Variants in TEAD1 observed in about 807,000 individuals in gnomAD.
TEAD1 encodes the protein transcriptional enhancer factor TEF-1.
In TEAD1, 9 loss-of-function variants were observed where a neutral mutation model predicts 54.9. The observed-to-expected ratio is 0.16, with a 90% CI of 0.10 to 0.29. TEAD1 has a LOEUF of 0.29. Ranked by LOEUF, TEAD1 falls within the 10% of genes least tolerant of loss-of-function variation. The pLI is 1.00. For synonymous variants in TEAD1, 200 were observed against 187.8 expected, an observed-to-expected ratio of 1.07 and a Z score of -0.53; for missense variants, 387 against 535.9, an observed-to-expected ratio of 0.72 and a Z score of 2.74.
chr11:12,865,018 G>A, intron 5 of TEAD1, 118 bp downstream of exon 5: 1 of 1,130,492 alleles, frequency 8.8e-7, no homozygotes, highest in Non-Finnish European at 1.3e-6. Context: ...TTGCATGTGA[G>A]AGCTGTTTAC....
intron 3 of TEAD1, among the ~76,000 whole-genome samples, chr11:12,852,365 G>A (rs1002195546): frequency 1.3e-5 from 2 of 152,118 alleles, no homozygotes; most frequent in African/African-American, 2.4e-5. Context: ...CATGGTGGGC[G>A]CCTGAGAGCC....
At chr11:12,811,182 G>A (rs1946292995) in intron 3 of TEAD1, among the ~76,000 whole-genome samples, 1 of 152,214 alleles carries the variant, frequency 6.6e-6, no homozygotes, top group African/African-American at 2.4e-5. Context: ...TCTTTCTGGG[G>A]CTGCTGGGAA....
At chr11:12,912,693 C>T (rs772839464) in intron 10 of TEAD1, among the ~76,000 whole-genome samples, 12 of 152,180 alleles carry the variant, frequency 7.9e-5, no homozygotes, top group Non-Finnish European at 1.8e-4. Flanking sequence ...AAAATGAGCA[C>T]AAGAGCTTAC....
At chr11:12,742,694 A>G (rs1228585400) in intron 2 of TEAD1, among the ~76,000 whole-genome samples, 2 of 152,232 alleles carry the variant, frequency 1.3e-5, no homozygotes, top group Admixed American at 6.5e-5. Flanking sequence ...CCCCATGAAC[A>G]TATACAACTA....
At chr11:12,766,741 C>T (rs1271332087) in intron 3 of TEAD1, among the ~76,000 whole-genome samples, 4 of 152,110 alleles carry the variant, frequency 2.6e-5, no homozygotes, top group Admixed American at 2.0e-4. Flanking sequence ...ATTTAGTGAC[C>T]GTGTTGGTGG....
At chr11:12,819,594 G>T (rs868590966) in intron 3 of TEAD1, among the ~76,000 whole-genome samples, 1 of 151,900 alleles carries the variant, frequency 6.6e-6, no homozygotes, top group Non-Finnish European at 1.5e-5. Flanking sequence ...GACTACAGGC[G>T]CCCGCCACCA....
intron 3 of TEAD1, among the ~76,000 whole-genome samples, chr11:12,795,612 G>A (rs541837255): frequency 4.9e-4 from 75 of 152,288 alleles, no homozygotes; most frequent in Admixed American, 2.4e-3. Context: ...AAGAAAGACT[G>A]GGGCCCAGGC....
At chr11:12,816,349 G>A (rs755911893) in intron 3 of TEAD1, among the ~76,000 whole-genome samples, 3 of 152,290 alleles carry the variant, frequency 2.0e-5, no homozygotes, top group Non-Finnish European at 4.4e-5. Flanking sequence ...TCTTGTATAC[G>A]CTCTTGTTGT....
At chr11:12,812,641 A>G (rs1349122142) in intron 3 of TEAD1, among the ~76,000 whole-genome samples, 1 of 152,228 alleles carries the variant, frequency 6.6e-6, no homozygotes, top group East Asian at 1.9e-4. Flanking sequence ...AAAACCTATG[A>G]AATTTATCAA....
intron 12 of TEAD1, among the ~76,000 whole-genome samples, chr11:12,931,777 A>G (rs1949014990): frequency 6.9e-6 from 1 of 145,054 alleles, no homozygotes; most frequent in Non-Finnish European, 1.5e-5. Flanking sequence ...ACACCATTGT[A>G]TAAAAAAAAA....
chr11:12,750,963 G>GT (rs376904865), intron 2 of TEAD1, among the ~76,000 whole-genome samples: 285 of 152,168 alleles, frequency 1.9e-3, no homozygotes, highest in African/African-American at 6.4e-3. Context: ...ATTCAGTCCT[G>GT]TTTTTTGGGG....
At chr11:12,743,171 T>C (rs1281798680) in intron 2 of TEAD1, among the ~76,000 whole-genome samples, 2 of 152,226 alleles carry the variant, frequency 1.3e-5, no homozygotes, top group African/African-American at 4.8e-5. Flanking sequence ...ATACTAGTTA[T>C]CTGTTCCCCT....
At position 12,888,732 on chromosome 11, in the gene TEAD1, A is replaced by T. The variant is rs898438213; in HGVS notation, c.699+5607A>T. 4.1e-4 allele frequency among the ~76,000 whole-genome samples: 63 copies of T among 152,332 alleles called. 1 individual carries two copies. Among genetic ancestry groups the T allele is most frequent in the African/African-American group, 1.4e-3 (58 of 41,544 alleles). On this transcript the variant is annotated intron_variant, in intron 9 of 12. Coordinates refer to ENST00000527636, the MANE Select transcript of TEAD1 (RefSeq NM_021961.6). ...TTTACTAAATATTTTCTGTATGCCAACACTATGCATTATCTTATGTAATCC... is the reference window on the plus strand; with the variant it reads ...TTTACTAAATATTTTCTGTATGCCATCACTATGCATTATCTTATGTAATCC...
chr11:12,711,150 G>A (rs1444493453), intron 2 of TEAD1, among the ~76,000 whole-genome samples: 1 of 152,106 alleles, frequency 6.6e-6, no homozygotes, highest in East Asian at 1.9e-4. Context: ...CTCTGAGACT[G>A]GATTGAAAGA....
chr11:12,815,490 C>G (rs1428671470), intron 3 of TEAD1, among the ~76,000 whole-genome samples: 3 of 151,956 alleles, frequency 2.0e-5, no homozygotes, highest in East Asian at 1.9e-4. Context: ...TGTAATGGAC[C>G]CAAGCTGCAA....
intron 3 of TEAD1, among the ~76,000 whole-genome samples, chr11:12,794,893 G>A (rs1181818635): frequency 6.6e-6 from 1 of 152,208 alleles, no homozygotes; most frequent in Non-Finnish European, 1.5e-5. Context: ...CCTCTGACAA[G>A]GAAAGGAAAT....
chr11:12,890,015 C>T (rs1171681942), intron 9 of TEAD1, among the ~76,000 whole-genome samples: 1 of 152,122 alleles, frequency 6.6e-6, no homozygotes, highest in African/African-American at 2.4e-5. Context: ...AGCCACCGTG[C>T]CCAGCCAAGC....
At chr11:12,733,155 C>CT (rs772582175) in intron 2 of TEAD1, among the ~76,000 whole-genome samples, 1 of 152,200 alleles carries the variant, frequency 6.6e-6, no homozygotes, top group Non-Finnish European at 1.5e-5. Context: ...ACCCACTTAC[C>CT]TTTTTGGGTT....
chr11:12,890,568 C>G (rs377102988), intron 9 of TEAD1, among the ~76,000 whole-genome samples: 1 of 152,164 alleles, frequency 6.6e-6, no homozygotes, highest in African/African-American at 2.4e-5. Flanking sequence ...ATAACAGGAT[C>G]GCTGCCATGC....
Sources: gnomAD v4.1 joint callset for allele counts (sites outside exome capture counted in the v4.1 genomes callset) on GRCh38, gnomAD v4.1.1 for gene constraint, MANE v1.5 for transcripts, NCBI Gene and HGNC (gene_info 2026-07-23, HGNC 2026-07-21) for gene names.